The following SLC25A23 variants were observed in gnomAD, a reference collection of about 807,000 sequenced individuals.
SLC25A23 encodes the protein mitochondrial adenyl nucleotide antiporter SLC25A23.
Under a neutral mutation model 53.9 loss-of-function variants are expected in SLC25A23, and 32 were observed. That is an observed-to-expected ratio of 0.59 (90% CI 0.45 to 0.80). The LOEUF is 0.80. Ranked by LOEUF, SLC25A23 falls within the 30% of genes least tolerant of loss-of-function variation. The probability of loss-of-function intolerance (pLI) is 0.00; values close to 1 mark genes in which losing one functional copy is unlikely to be tolerated. For missense variants in SLC25A23, 575 were observed against 651.4 expected, an observed-to-expected ratio of 0.88 and a Z score of 1.28; for synonymous variants, 275 against 264.5, an observed-to-expected ratio of 1.04 and a Z score of -0.38.
At chr19:6,455,707 G>GTTTTTTTTTTTTTTTT (rs529957147) in intron 4 of SLC25A23, among the ~76,000 whole-genome samples, 2 of 124,952 alleles carry the variant, frequency 1.6e-5, no homozygotes, top group African/African-American at 6.1e-5. Context: ...TGAAGACCGT[G>GTTTTTTTTTTTTTTTT]TTTTTTTTTT....
In SLC25A23 at chr19:6,454,413, C is replaced by G; in HGVS notation, c.705G>C (p.Glu235Asp). ...ILGGLRSMVLEGGIRSLWRGN... is the reference protein window; with the variant it reads ...ILGGLRSMVLDGGIRSLWRGN... ...CGCGCCACAGGGAGCGGATGCCTCC[C>G]TCAAGGACCATGCTTCGAAGCCCCC... The change falls in exon 6 of 10, where the codon GAG (glutamate) becomes GAC (aspartate). Residue 235 changes from glutamate to aspartate, a missense_variant. Coordinates refer to ENST00000301454, the MANE Select transcript of SLC25A23 (RefSeq NM_024103.3). The surrounding 1 kb of genome is among the most constrained non-coding windows in gnomAD (Gnocchi z 4.3). The G allele has an allele frequency of 6.2e-7, 1 of 1,614,180 alleles. No individual in the cohort carries two copies. Among genetic ancestry groups the G allele is most frequent in the Non-Finnish European group, 8.5e-7 (1 of 1,180,028 alleles).
chr19:6,458,061 G>C, intron 2 of SLC25A23, 137 bp downstream of exon 2: 1 of 1,188,778 alleles, frequency 8.4e-7, no homozygotes. Context: ...GAGTGCTCCT[G>C]AAATAGCCTA....
intron 7 of SLC25A23, 129 bp from the exon 8 acceptor site, chr19:6,452,608 T>A: frequency 8.9e-7 from 1 of 1,119,182 alleles, no homozygotes; most frequent in South Asian, 1.8e-5. Context: ...AAAAACCACC[T>A]ACTCTAGAAT....
chr19:6,446,337 T>C (rs1359983170), intron 8 of SLC25A23, among the ~76,000 whole-genome samples: 1 of 152,174 alleles, frequency 6.6e-6, no homozygotes, highest in African/African-American at 2.4e-5. Flanking sequence ...CACTCCAGCC[T>C]GGGCAATAAG....
At chr19:6,445,121 T>G (rs73549034) in intron 8 of SLC25A23, among the ~76,000 whole-genome samples, 6,711 of 151,380 alleles carry the variant, frequency 0.044, 520 homozygotes, top group African/African-American at 0.16. Flanking sequence ...CTTCTTTTTT[T>G]TTTCAGAGAC....
intron 8 of SLC25A23, among the ~76,000 whole-genome samples, chr19:6,449,161 G>A (rs1232709682): frequency 1.2e-4 from 18 of 152,000 alleles, no homozygotes; most frequent in Admixed American, 9.8e-4. Flanking sequence ...GAAACTCCAA[G>A]GTTTCTAAAA....
chr19:6,458,963 CG>C (rs1044251824), intron 1 of SLC25A23, among the ~76,000 whole-genome samples: 97 of 152,176 alleles, frequency 6.4e-4, no homozygotes, highest in African/African-American at 2.3e-3. Context: ...TTCCCAGCTG[CG>C]GGTGACCGCA....
At chr19:6,448,968 G>A (rs770594214) in intron 8 of SLC25A23, among the ~76,000 whole-genome samples, 1 of 151,466 alleles carries the variant, frequency 6.6e-6, no homozygotes, top group Non-Finnish European at 1.5e-5. Flanking sequence ...AGGTTGGAGT[G>A]AGCTGAGATC....
rs2092733648 is a variant in SLC25A23 at position 6,459,619 on chromosome 19, T to TC, written c.9dup (p.Ser4GlufsTer21). The TC allele has an allele frequency of 1.1e-5, 16 of 1,505,570 alleles. No individual in the cohort carries two copies. The highest frequency in any genetic ancestry group is 1.4e-5 in the Non-Finnish European group (16 of 1,132,528). The allele number at this position is 1,505,570 out of a possible 1,614,324, so 93.3% of individuals were successfully genotyped here. A position where few individuals can be genotyped will look rare whatever the true frequency, so the allele number is the denominator to read the frequency against. On this transcript the variant is annotated frameshift_variant, in exon 1 of 10. Transcript: ENST00000301454. LOFTEE classifies it high-confidence loss of function. The surrounding 1 kb of genome is among the most constrained non-coding windows in gnomAD (Gnocchi z 4.6). ...TGCCGCCGCTCCGCGTCGCCCGGGC[T>TC]CCCCCGCATGGCGCCCGCCCGGGGG...
In SLC25A23 at chr19:6,454,772, C is replaced by T; in HGVS notation, c.484-55G>A. 4 of 1,596,796 alleles carry T rather than the reference C, an allele frequency of 2.5e-6. No homozygotes were observed. Among genetic ancestry groups the T allele is most frequent in the Non-Finnish European group, 2.6e-6 (3 of 1,170,342 alleles). ...CCATGGTGGGGACAGGGAGATGTGA[C>T]TCAGTCCTAAATAGGGGAGTCTCCT... is the stretch of plus-strand genomic sequence containing the variant. On this transcript the variant is annotated intron_variant, in intron 4 of 9. Transcript: ENST00000301454. This position sits in a 1 kb window ranked among gnomAD's most constrained non-coding sequence, Gnocchi z 4.3.
At chr19:6,439,420 C>CACAT (rs2092384267), downstream of SLC25A23, among the ~76,000 whole-genome samples, 1 of 151,580 alleles carries the variant, frequency 6.6e-6, no homozygotes, top group African/African-American at 2.4e-5. Flanking sequence ...CACACACACA[C>CACAT]ACACACACAC....
chr19:6,452,263 G>A (rs766425458), intron 8 of SLC25A23, 49 bp downstream of exon 8: 2 of 1,566,234 alleles, frequency 1.3e-6, no homozygotes, highest in Admixed American at 1.9e-5. Context: ...GTGTCCTGTG[G>A]GTAAATCCCA....
At position 6,454,288 on chromosome 19, in the gene SLC25A23, A is replaced by G; in HGVS notation, c.795+35T>C. ...CTTTATGTACAGCCCAGTCTTCCCT[A>G]TGGCAAGCACATTCCTCCCTGTACC... is the stretch of plus-strand genomic sequence containing the variant. On this transcript the variant is annotated intron_variant, in intron 6 of 9. Transcript: ENST00000301454. This position sits in a 1 kb window ranked among gnomAD's most constrained non-coding sequence, Gnocchi z 4.3. The G allele has an allele frequency of 6.3e-7, 1 of 1,599,086 alleles. No individual in the cohort carries two copies. The highest frequency in any genetic ancestry group is 8.5e-7 in the Non-Finnish European group (1 of 1,171,136).
Position 6,454,776 on chromosome 19 carries a change from G to T in SLC25A23, c.484-59C>A. 6.3e-7 allele frequency: 1 copy of T among 1,581,786 alleles called. No individual in the cohort carries two copies. The highest frequency in any genetic ancestry group is 1.1e-5 in the South Asian group (1 of 87,182). ...GGTGGGGACAGGGAGATGTGACTCA[G>T]TCCTAAATAGGGGAGTCTCCTCTAT... On this transcript the variant is annotated intron_variant, in intron 4 of 9. Coordinates refer to ENST00000301454, the MANE Select transcript of SLC25A23 (RefSeq NM_024103.3). The surrounding 1 kb of genome is among the most constrained non-coding windows in gnomAD (Gnocchi z 4.3).
In SLC25A23 at chr19:6,459,509, C is replaced by A. The variant is rs200267490; in HGVS notation, c.120G>T (p.Arg40Ser). Residue 40 changes from arginine (R) to serine (S), a missense_variant, in exon 1 of 10, where the codon AGG becomes AGT. Arg to Ser is a moderately radical substitution (Grantham distance 110, BLOSUM62 -1). Coordinates refer to ENST00000301454, the MANE Select transcript of SLC25A23 (RefSeq NM_024103.3). The surrounding 1 kb of genome is among the most constrained non-coding windows in gnomAD (Gnocchi z 4.6). ...DVHELRQGLA[R>S]LGGGNPDPGA... Reference sequence around the variant, plus strand: ...CGGGGTCTGGGTTGCCCCCGCCCAGCCTGGCCAGCCCCTGGCGCAACTCGT... The same window carrying A: ...CGGGGTCTGGGTTGCCCCCGCCCAGACTGGCCAGCCCCTGGCGCAACTCGT... 1.3e-6 allele frequency: 2 copies of A among 1,595,444 alleles called. No individual in the cohort carries two copies. Among genetic ancestry groups the A allele is most frequent in the Non-Finnish European group, 1.7e-6 (2 of 1,176,278 alleles).
chr19:6,444,597 T>C (rs1292491023), intron 8 of SLC25A23, among the ~76,000 whole-genome samples: 1 of 152,212 alleles, frequency 6.6e-6, no homozygotes, highest in African/African-American at 2.4e-5. Flanking sequence ...GTTAAGGATC[T>C]TGAGATGAGA....
In SLC25A23 at chr19:6,459,387, G is replaced by C. The variant is rs1177519048; in HGVS notation, c.156+86C>G. On this transcript the variant is annotated intron_variant, in intron 1 of 9. Transcript: ENST00000301454. The surrounding 1 kb of genome is among the most constrained non-coding windows in gnomAD (Gnocchi z 4.6). ...GGAGTCCAGCCACAGGTAGTCCCTG[G>C]TGGCTCCGGCCGCCCAGTTCAGGGG... 2 of 1,220,510 alleles carry C rather than the reference G, an allele frequency of 1.6e-6. No homozygotes were observed. The highest frequency in any genetic ancestry group is 2.2e-6 in the Non-Finnish European group (2 of 910,196). 75.6% of individuals were successfully genotyped at this position (1,220,510 alleles called of 1,614,324 possible).
At chr19:6,437,610 C>A (rs564736587), downstream of SLC25A23, among the ~76,000 whole-genome samples, 1 of 151,716 alleles carries the variant, frequency 6.6e-6, no homozygotes. Flanking sequence ...GAGTTCAAGA[C>A]CATCCTGGCT....
At chr19:6,448,526 A>G (rs1376794365) in intron 8 of SLC25A23, among the ~76,000 whole-genome samples, 2 of 150,674 alleles carry the variant, frequency 1.3e-5, no homozygotes, top group Non-Finnish European at 2.9e-5. Context: ...GGTGGAGGGC[A>G]GTGGCGCGAT....
Sources: allele counts gnomAD v4.1 joint callset (sites outside exome capture counted in the v4.1 genomes callset), GRCh38; gene constraint gnomAD v4.1.1; non-coding constraint Gnocchi (gnomAD v3.1); transcripts MANE v1.5; gene names NCBI Gene and HGNC (gene_info 2026-07-23, HGNC 2026-07-21).